The following PGS1 variants were observed in gnomAD, a reference collection of about 807,000 sequenced individuals.
PGS1 encodes CDP-diacylglycerol--glycerol-3-phosphate 3-phosphatidyltransferase, mitochondrial.
Under a neutral mutation model 58.3 loss-of-function variants are expected in PGS1, and 44 were observed. The observed-to-expected ratio is 0.75, with a 90% CI of 0.59 to 0.97. PGS1 has a LOEUF of 0.97. Among genes scored for constraint, PGS1 ranks in the 50% least tolerant of loss-of-function variants. The pLI, the probability that PGS1 is intolerant of heterozygous loss-of-function variation, is 0.00. For missense variants in PGS1, 684 were observed against 731.1 expected, an observed-to-expected ratio of 0.94 and a Z score of 0.74; for synonymous variants, 330 against 311.0, an observed-to-expected ratio of 1.06 and a Z score of -0.64.
chr17:78,379,991 C>G (rs545886323), intron 1 of PGS1, among the ~76,000 whole-genome samples: 2 of 151,466 alleles, frequency 1.3e-5, no homozygotes, highest in East Asian at 2.0e-4. Flanking sequence ...CTCAGCCTCC[C>G]GAGTAGCTGG....
intron 7 of PGS1, among the ~76,000 whole-genome samples, chr17:78,410,915 G>C (rs188259692): frequency 6.6e-6 from 1 of 152,174 alleles, no homozygotes; most frequent in African/African-American, 2.4e-5. Context: ...GGGTCACTGG[G>C]TACCAGACAG....
rs530228743 is a variant in PGS1, at chr17:78,415,579, C to T, written c.1551+552C>T. 2.2e-3 allele frequency among the ~76,000 whole-genome samples: 342 copies of T among 152,336 alleles called. 1 individual carries two copies. Among genetic ancestry groups the T allele is most frequent in the Non-Finnish European group, 3.8e-3 (258 of 68,024 alleles). ...CCTAGGAAGCAGAGGTTGCAGTGAG[C>T]CAAGATCGTGCCATTGCACTCCAGC... On this transcript the variant is annotated intron_variant, in intron 8 of 9. Transcript: ENST00000262764.
chr17:78,421,168 GT>G (rs2085699100), intron 9 of PGS1: 1 of 152,170 alleles, frequency 6.6e-6, no homozygotes, highest in Admixed American at 6.5e-5. Context: ...TGTCATGTGT[GT>G]TTATAAAGCC....
Position 78,392,489 on chromosome 17 carries a change from T to C in PGS1, c.157T>C (p.Leu53=). 1.2e-6 allele frequency: 2 copies of C among 1,612,026 alleles called. No homozygotes were observed. The highest frequency in any genetic ancestry group is 1.7e-6 in the Non-Finnish European group (2 of 1,179,212). The part of the protein sequence containing the change: ...DRQRRRSPWL[L]LAPLLSPAVP... ...TTCTTTAACCAGGTCACCATGGCTG[T>C]TATTGGCTCCCTTGCTGTCCCCAGC... is the stretch of plus-strand genomic sequence containing the variant. Residue 53 remains leucine, a synonymous_variant, in exon 2 of 10, where the codon TTA becomes CTA. Coordinates refer to ENST00000262764, the MANE Select transcript of PGS1 (RefSeq NM_024419.5).
rs2083407054 is a variant in PGS1 at position 78,398,400 on chromosome 17, C to T, written c.511+49C>T. 5 of 1,279,204 alleles carry T rather than the reference C, an allele frequency of 3.9e-6. No homozygotes were observed. In the East Asian group the frequency reaches 6.9e-5, roughly 18 times the overall value. 79.2% of individuals were successfully genotyped at this position (1,279,204 alleles called of 1,614,324 possible). On this transcript the variant is annotated intron_variant, in intron 4 of 9. Transcript: ENST00000262764. ...CCTCCTGCTTCCTGTGTCAGATCCT[C>T]AGTCCCAAGAGGGGTTACTGTCACC...
intron 7 of PGS1, among the ~76,000 whole-genome samples, chr17:78,410,258 G>A (rs1456653898): frequency 4.6e-5 from 7 of 151,976 alleles, no homozygotes; most frequent in East Asian, 3.9e-4. Context: ...GTGAAACCCC[G>A]TCTCTACTAA....
intron 1 of PGS1, among the ~76,000 whole-genome samples, chr17:78,392,164 G>A (rs79954600): frequency 0.032 from 4,877 of 152,144 alleles, 234 homozygotes; most frequent in African/African-American, 0.11. Context: ...GTTTACTTGT[G>A]GATGCTCTAA....
rs1273005485 is a variant in PGS1 at position 78,403,945 on chromosome 17, G to A, written c.1258G>A (p.Gly420Arg). The A allele has an allele frequency of 1.2e-6, 2 of 1,614,174 alleles. No individual in the cohort carries two copies. Among genetic ancestry groups the A allele is most frequent in the East Asian group, 2.2e-5 (1 of 44,884 alleles). ...LASPEVNGFFGAKGVAGAIPA... is the reference protein window; with the variant it reads ...LASPEVNGFFRAKGVAGAIPA... Reference sequence around the variant, plus strand: ...CTCACCAGAGGTGAATGGCTTCTTTGGGGCCAAGGGGGTGGCCGGCGCCAT... The same window carrying A: ...CTCACCAGAGGTGAATGGCTTCTTTAGGGCCAAGGGGGTGGCCGGCGCCAT... The change falls in exon 7 of 10, where the codon GGG (glycine) becomes AGG (arginine). Residue 420 changes from glycine to arginine, a missense_variant. Gly to Arg is a moderately radical substitution (Grantham distance 125). Coordinates refer to ENST00000262764, the MANE Select transcript of PGS1 (RefSeq NM_024419.5).
At chr17:78,419,713 CGA>C (rs1568009705) in intron 9 of PGS1, 38 bp downstream of exon 9, 2 of 1,608,246 alleles carry the variant, frequency 1.2e-6, no homozygotes, top group East Asian at 2.2e-5. Context: ...ACGATTTTCC[CGA>C]GAGTTCACAG....
At chr17:78,394,774 C>T (rs751258301) in intron 2 of PGS1, among the ~76,000 whole-genome samples, 3 of 152,130 alleles carry the variant, frequency 2.0e-5, no homozygotes, top group Admixed American at 1.3e-4. Flanking sequence ...AGGCTGGTCT[C>T]GAACTCCCGA....
At chr17:78,423,945 C>T (rs1375267851) in intron 9 of PGS1, 116 bp from the exon 10 acceptor site, 1 of 1,613,906 alleles carries the variant, frequency 6.2e-7, no homozygotes, top group African/African-American at 1.3e-5. Context: ...CCAGGATCCA[C>T]TTCGCTGCCT....
intron 1 of PGS1, chr17:78,380,947 G>C (rs1460045179): frequency 1.3e-5 from 2 of 151,978 alleles, no homozygotes; most frequent in Non-Finnish European, 2.9e-5. Flanking sequence ...GTGGGTTCAA[G>C]TGATTCTCCT....
chr17:78,385,117 C>T (rs977070615), intron 1 of PGS1, among the ~76,000 whole-genome samples: 3 of 151,624 alleles, frequency 2.0e-5, no homozygotes, highest in African/African-American at 7.3e-5. Flanking sequence ...CCCCAGGTTT[C>T]TTTCTTTCTT....
chr17:78,387,245 C>T (rs1184826157), intron 1 of PGS1, among the ~76,000 whole-genome samples: 4 of 151,552 alleles, frequency 2.6e-5, no homozygotes, highest in Non-Finnish European at 5.9e-5. Context: ...CTCAGGTGAT[C>T]TGACTGTGCA....
intron 7 of PGS1, among the ~76,000 whole-genome samples, 169 bp from the exon 8 acceptor site, chr17:78,414,709 TG>T (rs920602942): frequency 2.0e-5 from 3 of 151,388 alleles, no homozygotes; most frequent in African/African-American, 7.3e-5. Context: ...CGCGCCGGGG[TG>T]GGGGTGGAAG....
At position 78,419,878 on chromosome 17, in the gene PGS1, A is replaced by G. The variant is rs1598398136; in HGVS notation, c.*10+203A>G. On this transcript the variant is annotated intron_variant, in intron 9 of 9. Coordinates refer to ENST00000262764, the MANE Select transcript of PGS1 (RefSeq NM_024419.5). ...AAATTAGGCAGTCTGTTCACTTTCC[A>G]TCTGGTACCCACTCCACTAAGTCCC... is the stretch of plus-strand genomic sequence containing the variant. 1.3e-5 allele frequency: 17 copies of G among 1,314,104 alleles called. No homozygotes were observed. In the East Asian group the frequency reaches 6.0e-4, roughly 46 times the overall value. 81.4% of individuals were successfully genotyped at this position (1,314,104 alleles called of 1,614,324 possible). A position where few individuals can be genotyped will look rare whatever the true frequency, so the allele number is the denominator to read the frequency against.
chr17:78,422,303 G>T (rs1011534634), intron 9 of PGS1, among the ~76,000 whole-genome samples: 1 of 152,134 alleles, frequency 6.6e-6, no homozygotes, highest in Admixed American at 6.5e-5. Context: ...TTCCTTGGGC[G>T]CCAGGAGGGG....
At chr17:78,415,837 C>T (rs2085137696) in intron 8 of PGS1, among the ~76,000 whole-genome samples, 1 of 152,210 alleles carries the variant, frequency 6.6e-6, no homozygotes. Flanking sequence ...GTGCCTTGGG[C>T]TCATGAATTC....
chr17:78,410,707 T>G (rs1285493586), intron 7 of PGS1, among the ~76,000 whole-genome samples: 4 of 151,926 alleles, frequency 2.6e-5, no homozygotes, highest in African/African-American at 9.7e-5. Context: ...CTCCTGACCT[T>G]GTGATCTGCC....
Sources: gnomAD v4.1 joint callset for allele counts (sites outside exome capture counted in the v4.1 genomes callset) on GRCh38, gnomAD v4.1.1 for gene constraint, MANE v1.5 for transcripts, NCBI Gene and HGNC (gene_info 2026-07-23, HGNC 2026-07-21) for gene names.